GDA: variants seen among roughly 807,000 people sequenced by gnomAD.
GDA encodes the protein cytoplasmic PSD-95 interactor.
In GDA, 18 loss-of-function variants were observed where a neutral mutation model predicts 59.6. The observed-to-expected ratio is 0.30, with a 90% CI of 0.21 to 0.45. The LOEUF is 0.45. Among genes scored for constraint, GDA ranks in the 20% least tolerant of loss-of-function variants. The probability of loss-of-function intolerance (pLI) is 1.00; values close to 1 mark genes in which losing one functional copy is unlikely to be tolerated. For missense variants in GDA, 427 were observed against 552.3 expected (o/e 0.77, Z 2.27); for synonymous variants, 201 against 201.1 (o/e 1.00, Z 0.00).
At chr9:72,207,629 C>T (rs1215887976) in intron 3 of GDA, among the ~76,000 whole-genome samples, 2 of 152,120 alleles carry the variant, frequency 1.3e-5, no homozygotes, top group Non-Finnish European at 2.9e-5. Flanking sequence ...GGCTTTCCAC[C>T]TGGATTTGTG....
chr9:72,234,355 A>G (rs562365738), intron 10 of GDA, among the ~76,000 whole-genome samples: 5 of 152,236 alleles, frequency 3.3e-5, no homozygotes, highest in African/African-American at 4.8e-5. Context: ...TTAATGCTAT[A>G]TAATTGTTAA....
In GDA at chr9:72,250,467, CT is replaced by C; in HGVS notation, c.*2128del. The C allele has an allele frequency of 1.5e-6, 2 of 1,307,924 alleles. No homozygotes were observed. Among genetic ancestry groups the C allele is most frequent in the Non-Finnish European group, 2.0e-6 (2 of 1,023,870 alleles). 81.0% of individuals were successfully genotyped at this position (1,307,924 alleles called of 1,614,324 possible). On this transcript the variant is annotated 3_prime_UTR_variant, in exon 14 of 14. Transcript: ENST00000358399. ...TGATAGTGTGTTAAGACCTGAATAT[CT>C]TTCCTAGTAAAAATAGGATGTGTTG...
intron 1 of GDA, among the ~76,000 whole-genome samples, chr9:72,192,143 T>C (rs567490248): frequency 2.6e-5 from 4 of 151,994 alleles, no homozygotes; most frequent in Non-Finnish European, 4.4e-5. Context: ...AATTTGTGGG[T>C]TTTTAGATCC....
intron 13 of GDA, among the ~76,000 whole-genome samples, chr9:72,247,783 G>A (rs1052552504): frequency 2.0e-5 from 3 of 152,122 alleles, no homozygotes; most frequent in African/African-American, 4.8e-5. Context: ...CTCACCACAC[G>A]TGCTGGTGAT....
At position 72,201,641 on chromosome 9, in the gene GDA, C is replaced by T. The variant is rs186364827; in HGVS notation, c.213-930C>T. On this transcript the variant is annotated intron_variant, in intron 2 of 13. Transcript: ENST00000358399. ...TTCAAGTTGCTTATGTGATTGAATACTTACCTAGGATAATGGTGGCAGTAG... is the reference window on the plus strand; with the variant it reads ...TTCAAGTTGCTTATGTGATTGAATATTTACCTAGGATAATGGTGGCAGTAG... Among the ~76,000 whole-genome samples, 19 of 152,284 alleles carry T rather than the reference C, an allele frequency of 1.2e-4. No homozygotes were observed. In the East Asian group the frequency reaches 3.5e-3, roughly 28 times the overall value.
At chr9:72,237,512 T>A (rs1839151125) in intron 10 of GDA, among the ~76,000 whole-genome samples, 1 of 152,188 alleles carries the variant, frequency 6.6e-6, no homozygotes, top group Admixed American at 6.5e-5. Context: ...GGCAGTCTCT[T>A]TGACTTTACA....
At chr9:72,254,163 A>G (rs1840834799), downstream of GDA, among the ~76,000 whole-genome samples, 1 of 151,418 alleles carries the variant, frequency 6.6e-6, no homozygotes, top group Non-Finnish European at 1.5e-5. Context: ...CTTTGATATG[A>G]CAGTATTTTA....
chr9:72,136,045 C>G (rs970904131), intron 1 of GDA, among the ~76,000 whole-genome samples: 10 of 152,188 alleles, frequency 6.6e-5, no homozygotes, highest in African/African-American at 2.4e-4. Flanking sequence ...ATTTTTCAGA[C>G]TTAAACTCAA....
chr9:72,241,555 C>CA (rs1839614057), intron 11 of GDA, among the ~76,000 whole-genome samples: 2 of 152,110 alleles, frequency 1.3e-5, no homozygotes, highest in Non-Finnish European at 2.9e-5. Flanking sequence ...ATGGGTATTA[C>CA]ATTGGTTACA....
chr9:72,190,323 C>T (rs1257527881), intron 1 of GDA, among the ~76,000 whole-genome samples: 2 of 152,268 alleles, frequency 1.3e-5, no homozygotes, highest in African/African-American at 4.8e-5. Context: ...GATGGGGTTT[C>T]ACCATGTTGG....
chr9:72,149,687 G>A lies in GDA; in HGVS notation c.123+5G>A. On this transcript the variant is annotated splice_donor_5th_base_variant and intron_variant, in intron 1 of 13. Transcript: ENST00000358399. ...GGCGTGAGCGACAGCGGCAAAGTAAGCAGGCGCGGGGTCGAGCGCACTCCG... is the reference window on the plus strand; with the variant it reads ...GGCGTGAGCGACAGCGGCAAAGTAAACAGGCGCGGGGTCGAGCGCACTCCG... 1.3e-6 allele frequency: 2 copies of A among 1,597,326 alleles called. No individual in the cohort carries two copies. Among genetic ancestry groups the A allele is most frequent in the Non-Finnish European group, 1.7e-6 (2 of 1,173,304 alleles).
At chr9:72,239,283 A>G (rs1210077038) in intron 10 of GDA, among the ~76,000 whole-genome samples, 3 of 152,240 alleles carry the variant, frequency 2.0e-5, no homozygotes, top group African/African-American at 4.8e-5. Context: ...ATTGGCAACC[A>G]GAAGAATATA....
intron 1 of GDA, among the ~76,000 whole-genome samples, chr9:72,150,858 G>T (rs188979842): frequency 6.6e-6 from 1 of 152,270 alleles, no homozygotes; most frequent in African/African-American, 2.4e-5. Context: ...CTCCCAGGGA[G>T]ATTCCGGTAA....
chr9:72,124,434 A>C (rs1825777358), intron 1 of GDA, among the ~76,000 whole-genome samples: 1 of 152,238 alleles, frequency 6.6e-6, no homozygotes, highest in African/African-American at 2.4e-5. Flanking sequence ...CAGTGATGTT[A>C]AAATGTGAGA....
rs1277359418 is a variant in GDA, at chr9:72,252,072, G to A, written c.*3730G>A. ...TAGAGAAAACCACTTTACATTTGTT[G>A]TTAAACTCCTGATCGCTACTCTTAA... On this transcript the variant is annotated 3_prime_UTR_variant, in exon 14 of 14. Coordinates refer to ENST00000358399, the MANE Select transcript of GDA (RefSeq NM_004293.5). 6.6e-6 allele frequency: 1 copy of A among 152,554 alleles called. No homozygotes were observed. The highest frequency in any genetic ancestry group is 1.5e-5 in the Non-Finnish European group (1 of 68,010). The allele number at this position is 152,554 out of a possible 1,614,324, so 9.5% of individuals were successfully genotyped here.
intron 1 of GDA, among the ~76,000 whole-genome samples, chr9:72,160,324 A>G (rs1253723969): frequency 6.6e-6 from 1 of 151,854 alleles, no homozygotes; most frequent in African/African-American, 2.4e-5. Context: ...AAATAAAACA[A>G]AACAAATATA....
At chr9:72,214,779 G>A in intron 5 of GDA, 1 of 316,082 alleles carries the variant, frequency 3.2e-6, no homozygotes, top group Non-Finnish European at 6.0e-6. Flanking sequence ...TGTCACCCAG[G>A]CTGGAGTGCA....
chr9:72,120,666 G>A (rs750866492), intron 1 of GDA, among the ~76,000 whole-genome samples: 1 of 152,082 alleles, frequency 6.6e-6, no homozygotes, highest in Non-Finnish European at 1.5e-5. Context: ...TTGTTAACAT[G>A]CTTACTATGT....
intron 1 of GDA, among the ~76,000 whole-genome samples, chr9:72,195,087 G>C (rs1832990824): frequency 1.3e-5 from 2 of 152,202 alleles, no homozygotes; most frequent in Non-Finnish European, 1.5e-5. Flanking sequence ...TTAAAACCAA[G>C]TACCATGACT....
Sources: gnomAD v4.1 joint callset for allele counts (sites outside exome capture counted in the v4.1 genomes callset) on GRCh38, gnomAD v4.1.1 for gene constraint, MANE v1.5 for transcripts, NCBI Gene and HGNC (gene_info 2026-07-23, HGNC 2026-07-21) for gene names.